Variants in TTBK2 observed in about 807,000 individuals in gnomAD.
The protein encoded by TTBK2 is tau-tubulin kinase 2.
Under a neutral mutation model 110.8 loss-of-function variants are expected in TTBK2, and 28 were observed. The ratio of observed to expected loss-of-function variants is 0.25; its 90% CI spans 0.19 to 0.35. TTBK2 has a LOEUF of 0.35. Ranked by LOEUF, TTBK2 falls within the 10% of genes least tolerant of loss-of-function variation. The pLI is 1.00. For synonymous variants in TTBK2, 532 were observed against 527.3 expected, an observed-to-expected ratio of 1.01 and a Z score of -0.12; for missense variants, 1,369 against 1,500.3, an observed-to-expected ratio of 0.91 and a Z score of 1.45.
chr15:42,917,710 A>C (rs2141225452), intron 1 of TTBK2, among the ~76,000 whole-genome samples: 1 of 152,118 alleles, frequency 6.6e-6, no homozygotes, highest in East Asian at 1.9e-4. Flanking sequence ...TAGGAAATAA[A>C]ACTAAATAAA....
intron 10 of TTBK2, among the ~76,000 whole-genome samples, chr15:42,789,910 G>A (rs1215628550): frequency 6.9e-6 from 1 of 145,010 alleles, no homozygotes; most frequent in African/African-American, 2.6e-5. Context: ...GTCCATCAGT[G>A]GGTATTTAGG....
At chr15:42,754,184 A>G (rs2061909987) in intron 13 of TTBK2, among the ~76,000 whole-genome samples, 1 of 151,414 alleles carries the variant, frequency 6.6e-6, no homozygotes, top group Admixed American at 6.6e-5. Context: ...TCCAAGCTCA[A>G]GTGATCCTCC....
At chr15:42,777,302 TCA>T (rs1165074696) in intron 11 of TTBK2, 60 bp from the exon 12 acceptor site, 32 of 1,503,342 alleles carry the variant, frequency 2.1e-5, no homozygotes, top group Non-Finnish European at 2.9e-5. Context: ...ATGAGAGGAA[TCA>T]TTGAAGCCTT....
At chr15:42,816,081 A>ATATATAT (rs1891995255) in intron 7 of TTBK2, among the ~76,000 whole-genome samples, 48 of 60,272 alleles carry the variant, frequency 8.0e-4, no homozygotes, top group East Asian at 2.6e-3. Flanking sequence ...AAAATAAATA[A>ATATATAT]ATAAATATAT....
chr15:42,819,131 T>C (rs1349162776), intron 6 of TTBK2, among the ~76,000 whole-genome samples: 2 of 151,298 alleles, frequency 1.3e-5, no homozygotes, highest in Non-Finnish European at 2.9e-5. Flanking sequence ...TTTTTCTCAA[T>C]TAACATGTAT....
intron 1 of TTBK2, among the ~76,000 whole-genome samples, chr15:42,887,636 T>C (rs1262321180): frequency 2.0e-5 from 3 of 152,200 alleles, no homozygotes; most frequent in African/African-American, 4.8e-5. Context: ...CCAAATTGTT[T>C]TGCCTATCCA....
intron 9 of TTBK2, chr15:42,801,414 C>T: frequency 9.0e-7 from 1 of 1,109,410 alleles, no homozygotes; most frequent in Middle Eastern, 2.1e-4. Context: ...ATCTGCGTGG[C>T]AGCCTCCAGG....
intron 9 of TTBK2, among the ~76,000 whole-genome samples, chr15:42,808,462 T>C (rs969110937): frequency 3.3e-5 from 5 of 152,220 alleles, no homozygotes; most frequent in African/African-American, 1.2e-4. Flanking sequence ...AGGGAAGCAG[T>C]CATATTTAAT....
chr15:42,805,844 A>G (rs1439970733), intron 9 of TTBK2, among the ~76,000 whole-genome samples: 1 of 152,254 alleles, frequency 6.6e-6, no homozygotes, highest in East Asian at 1.9e-4. Flanking sequence ...AAGGCCATGT[A>G]TTAAAGACAG....
At chr15:42,872,503 C>T (rs1294745850) in intron 3 of TTBK2, 108 bp downstream of exon 3, 1 of 1,298,856 alleles carries the variant, frequency 7.7e-7, no homozygotes, top group Admixed American at 1.9e-5. Context: ...CGGCTGACAC[C>T]AGTACATTCA....
chr15:42,859,130 G>A (rs1349574598), intron 3 of TTBK2, among the ~76,000 whole-genome samples: 1 of 151,724 alleles, frequency 6.6e-6, no homozygotes, highest in Non-Finnish European at 1.5e-5. Context: ...TATCAGGCAG[G>A]GTGTTACTCT....
chr15:42,783,140 A>G (rs1043466635), intron 11 of TTBK2, among the ~76,000 whole-genome samples: 1 of 152,156 alleles, frequency 6.6e-6, no homozygotes, highest in Non-Finnish European at 1.5e-5. Flanking sequence ...CCCAAAATTC[A>G]CATGTTGAAA....
intron 1 of TTBK2, among the ~76,000 whole-genome samples, chr15:42,886,699 G>A (rs951533126): frequency 6.6e-6 from 1 of 152,188 alleles, no homozygotes; most frequent in East Asian, 1.9e-4. Context: ...TCTGCTGTGA[G>A]AGAAAACCCC....
chr15:42,851,768 C>T (rs1317327867), intron 3 of TTBK2, among the ~76,000 whole-genome samples: 1 of 151,960 alleles, frequency 6.6e-6, no homozygotes, highest in Non-Finnish European at 1.5e-5. Context: ...CTGGAAGATA[C>T]ACAGGAAACC....
chr15:42,858,587 C>T (rs1240093596), intron 3 of TTBK2, among the ~76,000 whole-genome samples: 1 of 152,098 alleles, frequency 6.6e-6, no homozygotes, highest in Non-Finnish European at 1.5e-5. Flanking sequence ...AACATGGAAG[C>T]TGCCATGCCA....
intron 12 of TTBK2, among the ~76,000 whole-genome samples, chr15:42,776,347 G>A (rs1290221995): frequency 1.3e-5 from 2 of 152,198 alleles, no homozygotes; most frequent in African/African-American, 4.8e-5. Flanking sequence ...GAATACTACT[G>A]AAGTTTCTAT....
intron 10 of TTBK2, 106 bp from the exon 11 acceptor site, chr15:42,783,741 AG>A: frequency 6.6e-6 from 5 of 753,700 alleles, no homozygotes; most frequent in Non-Finnish European, 8.0e-6. Flanking sequence ...TAATTAAGAG[AG>A]TTAAAAAAAA....
chr15:42,742,929 C>T lies in TTBK2; in HGVS notation c.*2866G>A, dbSNP rs2053020195. 1.3e-5 allele frequency: 2 copies of T among 152,174 alleles called. No individual in the cohort carries two copies. The highest frequency in any genetic ancestry group is 4.1e-4 in the South Asian group (2 of 4,832). The allele number at this position is 152,174 out of a possible 1,614,324, so 9.4% of individuals were successfully genotyped here. On this transcript the variant is annotated 3_prime_UTR_variant, in exon 15 of 15. Transcript: ENST00000267890. ...ACCAAATCAAACCAAAAACCTCATTCTCTGTATCATACTTTAAAACTAAAA... is the reference window on the plus strand; with the variant it reads ...ACCAAATCAAACCAAAAACCTCATTTTCTGTATCATACTTTAAAACTAAAA...
intron 9 of TTBK2, among the ~76,000 whole-genome samples, chr15:42,803,753 G>A (rs1891321828): frequency 1.3e-5 from 2 of 152,156 alleles, no homozygotes; most frequent in South Asian, 4.1e-4. Context: ...ATTTTAGGCA[G>A]GGTGCGGTGG....
Sources: allele counts gnomAD v4.1 joint callset (sites outside exome capture counted in the v4.1 genomes callset), GRCh38; gene constraint gnomAD v4.1.1; transcripts MANE v1.5; gene names NCBI Gene and HGNC (gene_info 2026-07-23, HGNC 2026-07-21).